The following CADM1 variants were observed in gnomAD, a reference collection of about 807,000 sequenced individuals.
CADM1 encodes TSLC-1.
A neutral mutation model predicts 53.1 loss-of-function variants in CADM1; 15 were observed. The observed-to-expected ratio is 0.28, with a 90% CI of 0.19 to 0.44. The LOEUF (loss-of-function observed/expected upper bound fraction) is 0.44, where lower values mean the gene tolerates loss of function less well. CADM1 is among the 20% of genes least tolerant of loss of function. CADM1 has a pLI of 1.00. For missense variants in CADM1, 434 were observed against 611.3 expected (o/e 0.71, Z 3.06); for synonymous variants, 281 against 243.0 (o/e 1.16, Z -1.45).
intron 1 of CADM1, among the ~76,000 whole-genome samples, chr11:115,317,437 CGCCT>C (rs1185029290): frequency 2.0e-5 from 3 of 152,138 alleles, no homozygotes; most frequent in Non-Finnish European, 4.4e-5. Flanking sequence ...CACACTAACA[CGCCT>C]GTAAAGTGGA....
chr11:115,325,731 G>A (rs1944942705), intron 1 of CADM1, among the ~76,000 whole-genome samples: 1 of 152,052 alleles, frequency 6.6e-6, no homozygotes, highest in Admixed American at 6.6e-5. Context: ...AGGCTCACTG[G>A]AGTCTAAATC....
chr11:115,249,944 G>A (rs915608362), intron 1 of CADM1, among the ~76,000 whole-genome samples: 15 of 147,818 alleles, frequency 1.0e-4, no homozygotes, highest in Admixed American at 4.1e-4. Flanking sequence ...TCCCTCTGTT[G>A]CCCAGGCTGC....
intron 1 of CADM1, among the ~76,000 whole-genome samples, chr11:115,313,771 T>C (rs898320718): frequency 2.6e-5 from 4 of 152,182 alleles, no homozygotes; most frequent in Non-Finnish European, 4.4e-5. Context: ...TTGCTCCTCC[T>C]GTACTTTCTC....
At chr11:115,376,966 G>A (rs1412329021) in intron 1 of CADM1, among the ~76,000 whole-genome samples, 1 of 152,100 alleles carries the variant, frequency 6.6e-6, no homozygotes, top group Non-Finnish European at 1.5e-5. Flanking sequence ...TTTAGACAAG[G>A]TTAATGAAAG....
At position 115,388,676 on chromosome 11, in the gene CADM1, T is replaced by C. The variant is rs569096115; in HGVS notation, c.124+115595A>G. ...GGAATACACAGCCTTAATCTCATCA[T>C]GACAAAACATCAAACTCAAAACTTT... On this transcript the variant is annotated intron_variant, in intron 1 of 11. Transcript: ENST00000331581. 3.9e-5 allele frequency among the ~76,000 whole-genome samples: 6 copies of C among 152,266 alleles called. No individual in the cohort carries two copies. The South Asian group carries it at 8.3e-4, about 21-fold the overall frequency.
chr11:115,442,425 A>C (rs1181664375), intron 1 of CADM1, among the ~76,000 whole-genome samples: 1 of 152,130 alleles, frequency 6.6e-6, no homozygotes, highest in Non-Finnish European at 1.5e-5. Flanking sequence ...ATGACACAAG[A>C]GAAGTTCTCA....
chr11:115,369,739 C>A (rs996997721), intron 1 of CADM1, among the ~76,000 whole-genome samples: 15 of 152,116 alleles, frequency 9.9e-5, no homozygotes, highest in African/African-American at 3.1e-4. Flanking sequence ...TCTTTAATAT[C>A]TTTACAGGTT....
intron 1 of CADM1, among the ~76,000 whole-genome samples, chr11:115,277,334 G>A (rs1943472113): frequency 6.6e-6 from 1 of 152,190 alleles, no homozygotes. Context: ...GCATGCTAAA[G>A]AGTAGGGTAT....
chr11:115,446,438 GA>G (rs1948452913), intron 1 of CADM1, among the ~76,000 whole-genome samples: 1 of 152,134 alleles, frequency 6.6e-6, no homozygotes, highest in Admixed American at 6.6e-5. Flanking sequence ...ATCAGCAACT[GA>G]AGGCTCACGT....
In CADM1 at chr11:115,433,792, A is replaced by G. The variant is rs1948115127; in HGVS notation, c.124+70479T>C. ...TTGCGAAAGAGCATTACACTGTGCA[A>G]ACACGTCGGCTGGTTCAATGATGTT... On this transcript the variant is annotated intron_variant, in intron 1 of 11. Transcript: ENST00000331581. 2.6e-5 allele frequency among the ~76,000 whole-genome samples: 4 copies of G among 152,316 alleles called. No individual in the cohort carries two copies. In the South Asian group the frequency reaches 8.3e-4, roughly 32 times the overall value.
At chr11:115,210,747 T>C (rs1397082229) in intron 7 of CADM1, among the ~76,000 whole-genome samples, 4 of 152,228 alleles carry the variant, frequency 2.6e-5, no homozygotes, top group African/African-American at 9.6e-5. Context: ...AAAACTTTAA[T>C]TATATACTGC....
At chr11:115,329,948 C>A (rs1172535959) in intron 1 of CADM1, among the ~76,000 whole-genome samples, 1 of 151,260 alleles carries the variant, frequency 6.6e-6, no homozygotes, top group Non-Finnish European at 1.5e-5. Flanking sequence ...CCTTCTCTAC[C>A]ACGTCACTGC....
chr11:115,415,468 G>T (rs939209917), intron 1 of CADM1, among the ~76,000 whole-genome samples: 1 of 152,092 alleles, frequency 6.6e-6, no homozygotes, highest in Non-Finnish European at 1.5e-5. Flanking sequence ...CAAAAGTTAA[G>T]AGAAGACATA....
chr11:115,469,832 C>T (rs896849648), intron 1 of CADM1, among the ~76,000 whole-genome samples: 9 of 152,220 alleles, frequency 5.9e-5, no homozygotes, highest in African/African-American at 2.2e-4. Context: ...CCACCATGCC[C>T]AGCTAATTTT....
chr11:115,199,066 T>G (rs774101942), intron 8 of CADM1, among the ~76,000 whole-genome samples: 21 of 152,172 alleles, frequency 1.4e-4, no homozygotes, highest in Non-Finnish European at 2.4e-4. Flanking sequence ...GCCATGGCAA[T>G]GAACATGTTC....
intron 1 of CADM1, among the ~76,000 whole-genome samples, chr11:115,487,112 T>C (rs754254419): frequency 2.3e-4 from 35 of 152,356 alleles, no homozygotes; most frequent in Non-Finnish European, 4.3e-4. Context: ...TCCAGCCTTG[T>C]TGTTTGGAAA....
At position 115,199,353 on chromosome 11, in the gene CADM1, GT is replaced by G. The variant is rs375748411; in HGVS notation, c.1079-916del. ...GGAGTAGGAGAGAGTGCAGTTTTTT[GT>G]TTTTGTTTTTTTCTTTTTCCATTGC... On this transcript the variant is annotated intron_variant, in intron 8 of 11. Transcript: ENST00000331581. 3.0e-3 allele frequency among the ~76,000 whole-genome samples: 461 copies of G among 152,216 alleles called. 6 individuals are homozygous for G. The highest frequency in any genetic ancestry group is 0.01 in the African/African-American group (436 of 41,558).
chr11:115,386,167 A>G (rs1242221824), intron 1 of CADM1, among the ~76,000 whole-genome samples: 1 of 152,268 alleles, frequency 6.6e-6, no homozygotes, highest in African/African-American at 2.4e-5. Context: ...TTGTGAGTCC[A>G]TCATTCCACA....
chr11:115,306,250 T>C (rs573856238), intron 1 of CADM1, among the ~76,000 whole-genome samples: 71 of 152,130 alleles, frequency 4.7e-4, no homozygotes, highest in Middle Eastern at 3.4e-3. Context: ...TGTGTTACAA[T>C]TGATTACAGT....
Sources: allele counts gnomAD v4.1 joint callset (sites outside exome capture counted in the v4.1 genomes callset), GRCh38; gene constraint gnomAD v4.1.1; transcripts MANE v1.5; gene names NCBI Gene and HGNC (gene_info 2026-07-23, HGNC 2026-07-21).